The following ROBO2 variants were observed in gnomAD, a reference collection of about 807,000 sequenced individuals.
ROBO2 encodes roundabout homolog 2.
Under a neutral mutation model 160.8 loss-of-function variants are expected in ROBO2, and 53 were observed. The ratio of observed to expected loss-of-function variants is 0.33; its 90% CI spans 0.26 to 0.41. The LOEUF (loss-of-function observed/expected upper bound fraction) is 0.41, where lower values mean the gene tolerates loss of function less well. Among genes scored for constraint, ROBO2 ranks in the 10% least tolerant of loss-of-function variants. ROBO2 has a pLI of 1.00. For synonymous variants in ROBO2, 664 were observed against 611.7 expected (o/e 1.09, Z -1.26); for missense variants, 1,577 against 1,722.4 (o/e 0.92, Z 1.49).
chr3:76,771,435 T>C (rs973139734), intron 2 of ROBO2, among the ~76,000 whole-genome samples: 1 of 151,272 alleles, frequency 6.6e-6, no homozygotes, highest in Non-Finnish European at 1.5e-5. Context: ...TTTGGTTTGG[T>C]TTTTCTTCCT....
chr3:76,609,531 G>T, intron 2 of ROBO2, among the ~76,000 whole-genome samples: 1 of 150,514 alleles, frequency 6.6e-6, no homozygotes, highest in African/African-American at 2.5e-5. Flanking sequence ...GCTCACTGTT[G>T]GCATATAGAA....
chr3:76,177,442 A>G (rs1415045304), intron 2 of ROBO2, among the ~76,000 whole-genome samples: 1 of 152,166 alleles, frequency 6.6e-6, no homozygotes, highest in Non-Finnish European at 1.5e-5. Context: ...TTGAAACAGT[A>G]TGGGGAGCAA....
intron 2 of ROBO2, among the ~76,000 whole-genome samples, chr3:75,969,953 T>C (rs1559793030): frequency 6.6e-6 from 1 of 151,614 alleles, no homozygotes. Flanking sequence ...CAAAAAACCA[T>C]TGTCAAGGCC....
intron 1 of ROBO2, among the ~76,000 whole-genome samples, chr3:77,044,896 C>G (rs756108411): frequency 2.0e-5 from 3 of 152,124 alleles, no homozygotes; most frequent in Non-Finnish European, 4.4e-5. Context: ...TAAAGGTTCT[C>G]CAGGTATAGA....
intron 2 of ROBO2, among the ~76,000 whole-genome samples, chr3:76,274,847 A>C (rs1041996179): frequency 6.6e-6 from 1 of 152,020 alleles, no homozygotes; most frequent in Non-Finnish European, 1.5e-5. Flanking sequence ...AAAAAAAAAA[A>C]AAAAAGAATG....
intron 2 of ROBO2, among the ~76,000 whole-genome samples, chr3:77,007,558 T>G (rs1206205497): frequency 2.0e-5 from 3 of 152,120 alleles, no homozygotes; most frequent in Non-Finnish European, 4.4e-5. Flanking sequence ...AGTGGGACTT[T>G]TACTATAGAC....
At chr3:76,533,976 G>A (rs140153267) in intron 2 of ROBO2, among the ~76,000 whole-genome samples, 52 of 152,228 alleles carry the variant, frequency 3.4e-4, no homozygotes, top group African/African-American at 1.1e-3. Flanking sequence ...GCTCCTGCAG[G>A]CCATCTGGAC....
At chr3:77,597,456 C>T (rs1401690628) in intron 19 of ROBO2, among the ~76,000 whole-genome samples, 2 of 152,068 alleles carry the variant, frequency 1.3e-5, no homozygotes, top group Non-Finnish European at 2.9e-5. Context: ...CTGACTTCAC[C>T]TTTTCATCCA....
intron 2 of ROBO2, among the ~76,000 whole-genome samples, chr3:77,163,373 T>C (rs2078669002): frequency 6.6e-6 from 1 of 152,216 alleles, no homozygotes; most frequent in South Asian, 2.1e-4. Context: ...TATTCATTCA[T>C]GTAAGGCAGA....
intron 2 of ROBO2, among the ~76,000 whole-genome samples, chr3:76,799,816 A>G (rs551268047): frequency 2.6e-3 from 403 of 152,304 alleles, no homozygotes; most frequent in Non-Finnish European, 4.4e-3. Flanking sequence ...TAGATTCAAT[A>G]CAATCTTTAT....
At chr3:76,762,012 GTT>G (rs11364896) in intron 2 of ROBO2, among the ~76,000 whole-genome samples, 6 of 148,916 alleles carry the variant, frequency 4.0e-5, no homozygotes, top group East Asian at 2.0e-4. Context: ...GAGAAAAACA[GTT>G]TTTTTTTTTC....
At chr3:77,288,333 T>G (rs2060760545) in intron 2 of ROBO2, among the ~76,000 whole-genome samples, 2 of 152,192 alleles carry the variant, frequency 1.3e-5, no homozygotes, top group African/African-American at 4.8e-5. Flanking sequence ...CAAACACTTC[T>G]CTGTAGAGTA....
chr3:77,079,189 C>A (rs909841686), intron 1 of ROBO2, among the ~76,000 whole-genome samples: 4 of 152,126 alleles, frequency 2.6e-5, no homozygotes, highest in Non-Finnish European at 5.9e-5. Context: ...TCAGGTGATC[C>A]ACCCACCTCA....
chr3:76,882,851 C>T (rs1040638911), intron 2 of ROBO2, among the ~76,000 whole-genome samples: 18 of 152,204 alleles, frequency 1.2e-4, no homozygotes, highest in Non-Finnish European at 2.4e-4. Context: ...CTTTAAGCTA[C>T]TCCATCTTTG....
rs117350112 is a variant in ROBO2 at position 77,049,708 on chromosome 3, A to G, written c.61+8862A>G. Among the ~76,000 whole-genome samples, 1,069 of 152,246 alleles carry G rather than the reference A, an allele frequency of 7.0e-3. 44 individuals are homozygous for G. The highest frequency in any genetic ancestry group is 0.05 in the Admixed American group (768 of 15,282). Reference sequence around the variant, plus strand: ...CAGCCACTTTTTAATTTCTGTTGTAAGGATTGATGTGGGATCTCTTTCCCT... The same window carrying G: ...CAGCCACTTTTTAATTTCTGTTGTAGGGATTGATGTGGGATCTCTTTCCCT... On this transcript the variant is annotated intron_variant, in intron 1 of 25. Transcript: ENST00000461745.
intron 2 of ROBO2, among the ~76,000 whole-genome samples, chr3:76,420,703 C>A (rs556525823): frequency 1.3e-5 from 2 of 152,210 alleles, no homozygotes; most frequent in Admixed American, 6.5e-5. Flanking sequence ...ATAGTTCAAG[C>A]AATTGTATTT....
chr3:76,370,331 G>T (rs558285167), intron 2 of ROBO2, among the ~76,000 whole-genome samples: 1 of 151,990 alleles, frequency 6.6e-6, no homozygotes, highest in Admixed American at 6.6e-5. Context: ...ATGGGAATTG[G>T]TGTGATTTCT....
intron 2 of ROBO2, among the ~76,000 whole-genome samples, chr3:76,299,684 G>A (rs927437825): frequency 1.3e-5 from 2 of 152,138 alleles, no homozygotes; most frequent in African/African-American, 4.8e-5. Context: ...CCTGTTAGTT[G>A]ACTGTTGCAA....
At chr3:76,643,922 G>A (rs929570893) in intron 2 of ROBO2, among the ~76,000 whole-genome samples, 18 of 152,052 alleles carry the variant, frequency 1.2e-4, no homozygotes, top group African/African-American at 4.3e-4. Flanking sequence ...GGAGAACTAT[G>A]ATTTATGAAA....
Sources: gnomAD v4.1 joint callset for allele counts (sites outside exome capture counted in the v4.1 genomes callset) on GRCh38, gnomAD v4.1.1 for gene constraint, MANE v1.5 for transcripts, NCBI Gene and HGNC (gene_info 2026-07-23, HGNC 2026-07-21) for gene names.